CORO1B: variants seen among roughly 807,000 people sequenced by gnomAD.
The protein encoded by CORO1B is coronin 1B, also known as coronin-1B.
Under a neutral mutation model 51.1 loss-of-function variants are expected in CORO1B, and 30 were observed. The ratio of observed to expected loss-of-function variants is 0.59; its 90% CI spans 0.44 to 0.80. The LOEUF is 0.80. CORO1B is among the 30% of genes least tolerant of loss of function. CORO1B has a pLI of 0.00. For synonymous variants in CORO1B, 310 were observed against 289.7 expected (o/e 1.07, Z -0.71); for missense variants, 648 against 700.4 (o/e 0.93, Z 0.84).
intron 2 of CORO1B, 84 bp downstream of exon 2, chr11:67,442,344 A>C (rs1864413700): frequency 2.1e-5 from 30 of 1,431,358 alleles, no homozygotes; most frequent in Non-Finnish European, 2.7e-5. Flanking sequence ...GAGAAACGGC[A>C]AGATGAGGGA....
At position 67,441,449 on chromosome 11, in the gene CORO1B, G is replaced by C; in HGVS notation, c.520C>G (p.Leu174Val). 6.2e-7 allele frequency: 1 copy of C among 1,613,904 alleles called. No individual in the cohort carries two copies. The highest frequency in any genetic ancestry group is 8.5e-7 in the Non-Finnish European group (1 of 1,180,026). Reference sequence around the variant, plus strand: ...ACATTGTAGATGAGGTCAGGGTGCAGGCTGTCCAGGCGGTACAGCTCCTCC... The same window carrying C: ...ACATTGTAGATGAGGTCAGGGTGCACGCTGTCCAGGCGGTACAGCTCCTCC... ...TAEELYRLDS[L>V]HPDLIYNVSW... is the part of the protein sequence containing the mutation. Residue 174 changes from leucine to valine, a missense_variant, in exon 5 of 11, where the codon CTG becomes GTG. Physicochemically the swap from Leu to Val is conservative, Grantham distance 32 (BLOSUM62 1). Coordinates refer to ENST00000341356, the MANE Select transcript of CORO1B (RefSeq NM_020441.3).
In CORO1B at chr11:67,443,140, CG is replaced by C. The variant is rs1464832786; in HGVS notation, c.-3+263del. ...CCCCGGCATGGCCCCCAGGAAGGGA[CG>C]GGGTCGGGACGCAGCTGTGGGCCGC... On this transcript the variant is annotated intron_variant, in intron 1 of 10. Transcript: ENST00000341356. Among the ~76,000 whole-genome samples the C allele has an allele frequency of 5.3e-5, 8 of 152,168 alleles. No individual in the cohort carries two copies. The East Asian group carries it at 1.3e-3, about 26-fold the overall frequency.
chr11:67,436,320 G>A lies in CORO1B; in HGVS notation c.*2056C>T, dbSNP rs12295145. The A allele has an allele frequency of 2.0e-6, 3 of 1,511,582 alleles. No homozygotes were observed. The highest frequency in any genetic ancestry group is 2.8e-5 in the African/African-American group (2 of 72,372). 93.6% of individuals were successfully genotyped at this position (1,511,582 alleles called of 1,614,324 possible). A position where few individuals can be genotyped will look rare whatever the true frequency, so the allele number is the denominator to read the frequency against. On this transcript the variant is annotated 3_prime_UTR_variant, in exon 11 of 11. Transcript: ENST00000341356. The stretch of plus-strand genomic sequence containing the variant: ...CCCAAGGCCCCTGGCAGGGCCAGCA[G>A]CATCCCGAGCCCTAAGGTGCAGGGC...
chr11:67,435,680 A>G lies in CORO1B; in HGVS notation c.*2696T>C, dbSNP rs1864251159. 2.7e-6 allele frequency: 4 copies of G among 1,494,042 alleles called. No individual in the cohort carries two copies. The highest frequency in any genetic ancestry group is 3.5e-6 in the Non-Finnish European group (4 of 1,128,662). 92.5% of individuals were successfully genotyped at this position (1,494,042 alleles called of 1,614,324 possible). A position where few individuals can be genotyped will look rare whatever the true frequency, so the allele number is the denominator to read the frequency against. ...GTCCAGCCATGGCATCTTGGGAAGC[A>G]GAGGCACGGGGAGTGAGCGGCTGTG... On this transcript the variant is annotated 3_prime_UTR_variant, in exon 11 of 11. Transcript: ENST00000341356.
In CORO1B at chr11:67,435,912, C is replaced by T. The variant is rs1305916341; in HGVS notation, c.*2464G>A. ...TCCGTGTCACTGTCTCTGGCTTCCTCAGCCCGCACGGGGACCTGCTCTGGG... is the reference window on the plus strand; with the variant it reads ...TCCGTGTCACTGTCTCTGGCTTCCTTAGCCCGCACGGGGACCTGCTCTGGG... On this transcript the variant is annotated 3_prime_UTR_variant, in exon 11 of 11. Transcript: ENST00000341356. 3 of 1,612,734 alleles carry T rather than the reference C, an allele frequency of 1.9e-6. No homozygotes were observed. The highest frequency in any genetic ancestry group is 1.7e-4 in the Middle Eastern group (1 of 6,056).
Position 67,441,161 on chromosome 11 carries a change from G to A in CORO1B, c.720C>T (p.Ser240=). The A allele has an allele frequency of 6.2e-7, 1 of 1,613,092 alleles. No individual in the cohort carries two copies. Among genetic ancestry groups the A allele is most frequent in the South Asian group, 1.1e-5 (1 of 91,086 alleles). Residue 240 remains serine (S), a synonymous_variant, in exon 6 of 11, where the codon AGC becomes AGT. Transcript: ENST00000341356. ...ADGKVFTTGF[S]RMSERQLALW... is the part of the protein sequence containing the mutation. ...GCGCCAGCTGCCGCTCGCTCATTCG[G>A]CTGAAGCCTGTGGTGAACACCTTGC...
rs1161932608 is a variant in CORO1B at position 67,441,249 on chromosome 11, C to CG, written c.637-6dup. The CG allele has an allele frequency of 2.5e-6, 4 of 1,612,824 alleles. No homozygotes were observed. The highest frequency in any genetic ancestry group is 2.5e-6 in the Non-Finnish European group (3 of 1,179,916). The stretch of plus-strand genomic sequence containing the variant: ...CTCATGAGCCTTCTCCCGCTCCTGT[C>CG]GGGGGGACAGGCTGGTCAGTGCAGC... On this transcript the variant is annotated splice_polypyrimidine_tract_variant and splice_region_variant and intron_variant, in intron 5 of 10. Coordinates refer to ENST00000341356, the MANE Select transcript of CORO1B (RefSeq NM_020441.3).
At position 67,438,969 on chromosome 11, in the gene CORO1B, G is replaced by A. The variant is rs1429908396; in HGVS notation, c.1066-20C>T. The A allele has an allele frequency of 1.3e-6, 2 of 1,587,188 alleles. No homozygotes were observed. Among genetic ancestry groups the A allele is most frequent in the South Asian group, 1.1e-5 (1 of 89,010 alleles). On this transcript the variant is annotated intron_variant, in intron 9 of 10. Coordinates refer to ENST00000341356, the MANE Select transcript of CORO1B (RefSeq NM_020441.3). ...GTCCGACTGGGCAGGGGGCCGGGGA[G>A]GTCAGGATCAGTTAGGAGGCCCCAT...
In CORO1B at chr11:67,435,569, G is replaced by A. The variant is rs758136660; in HGVS notation, c.*2807C>T. The A allele has an allele frequency of 1.1e-4, 117 of 1,082,214 alleles. No homozygotes were observed. The highest frequency in any genetic ancestry group is 1.5e-4 in the Non-Finnish European group (114 of 783,674). 67.0% of individuals were successfully genotyped at this position (1,082,214 alleles called of 1,614,324 possible). ...CTGATGCCTGTGGTTGGGGGGGGCC[G>A]TTCCCGTGGTGAGCGGGGTACACAT... On this transcript the variant is annotated 3_prime_UTR_variant, in exon 11 of 11. Coordinates refer to ENST00000341356, the MANE Select transcript of CORO1B (RefSeq NM_020441.3).
At position 67,443,440 on chromosome 11, in the gene CORO1B, C is replaced by T; in HGVS notation, c.-39G>A. ...GGGGCGCAGGGGGCTGCGGCACCGG[C>T]TTCGGGCGGCTCCGGATCCCGGCCT... is the stretch of plus-strand genomic sequence containing the variant. On this transcript the variant is annotated 5_prime_UTR_variant, in exon 1 of 11. Transcript: ENST00000341356. The T allele has an allele frequency of 1.0e-6, 1 of 986,242 alleles. No homozygotes were observed. The highest frequency in any genetic ancestry group is 1.2e-6 in the Non-Finnish European group (1 of 830,068). The allele number at this position is 986,242 out of a possible 1,614,324, so 61.1% of individuals were successfully genotyped here.
At position 67,436,345 on chromosome 11, in the gene CORO1B, C is replaced by A; in HGVS notation, c.*2031G>T. ...GCATCCCGAGCCCTAAGGTGCAGGGCAGAGCCTGTGGGAGACAGGCAGGGG... is the reference window on the plus strand; with the variant it reads ...GCATCCCGAGCCCTAAGGTGCAGGGAAGAGCCTGTGGGAGACAGGCAGGGG... On this transcript the variant is annotated 3_prime_UTR_variant, in exon 11 of 11. Coordinates refer to ENST00000341356, the MANE Select transcript of CORO1B (RefSeq NM_020441.3). The A allele has an allele frequency of 6.8e-7, 1 of 1,467,896 alleles. No homozygotes were observed. The highest frequency in any genetic ancestry group is 9.0e-7 in the Non-Finnish European group (1 of 1,110,408). The allele number at this position is 1,467,896 out of a possible 1,614,324, so 90.9% of individuals were successfully genotyped here.
In CORO1B at chr11:67,437,604, C is replaced by T. The variant is rs753678445; in HGVS notation, c.*772G>A. ...GCCCCCATCCCAAGAACCCGGGGGG[C>T]TCCGAGGCTTACCATTGGTCCGCAG... On this transcript the variant is annotated 3_prime_UTR_variant, in exon 11 of 11. Transcript: ENST00000341356. 7.4e-6 allele frequency: 10 copies of T among 1,358,474 alleles called. No homozygotes were observed. In the Admixed American group the frequency reaches 1.5e-4, roughly 20 times the overall value. The allele number at this position is 1,358,474 out of a possible 1,614,324, so 84.2% of individuals were successfully genotyped here.
rs1864323911 is a variant in CORO1B at position 67,438,163 on chromosome 11, G to A, written c.*213C>T. On this transcript the variant is annotated 3_prime_UTR_variant, in exon 11 of 11. Coordinates refer to ENST00000341356, the MANE Select transcript of CORO1B (RefSeq NM_020441.3). ...TCGGGGAGATGGTCCCTCAGAGGTCGAGGAGCTCGCCTGGGCGTAGACATC... is the reference window on the plus strand; with the variant it reads ...TCGGGGAGATGGTCCCTCAGAGGTCAAGGAGCTCGCCTGGGCGTAGACATC... 3.8e-6 allele frequency: 2 copies of A among 529,024 alleles called. No homozygotes were observed. The highest frequency in any genetic ancestry group is 3.2e-6 in the Non-Finnish European group (1 of 313,676). 32.8% of individuals were successfully genotyped at this position (529,024 alleles called of 1,614,324 possible).
Position 67,438,756 on chromosome 11 carries a change from G to A in CORO1B, c.1259C>T (p.Ala420Val). 6.4e-7 allele frequency: 1 copy of A among 1,565,468 alleles called. No homozygotes were observed. Among genetic ancestry groups the A allele is most frequent in the Non-Finnish European group, 8.6e-7 (1 of 1,158,846 alleles). ...NVLSDSRPAM[A>V]PGSSHLGAPA... ...GGCCCCTAGGTGGGAGGAGCCCGGG[G>A]CCATGGCGGGCCGGCTGTCAGACAA... Residue 420 changes from alanine to valine, a missense_variant, in exon 10 of 11, where the codon GCC becomes GTC. Coordinates refer to ENST00000341356, the MANE Select transcript of CORO1B (RefSeq NM_020441.3).
chr11:67,438,643 AGC>A, intron 10 of CORO1B, 26 bp downstream of exon 10: 1 of 1,515,760 alleles, frequency 6.6e-7, no homozygotes, highest in South Asian at 1.2e-5. Context: ...TGGGGCTCCC[AGC>A]ACCACCCCTG....
At chr11:67,440,835 C>T in intron 6 of CORO1B, 1 of 660,386 alleles carries the variant, frequency 1.5e-6, no homozygotes, top group Non-Finnish European at 2.8e-6. Flanking sequence ...GAGCGGGGAG[C>T]CCTGTGCAGG....
intron 6 of CORO1B, chr11:67,440,721 G>C: frequency 1.5e-6 from 1 of 655,908 alleles, no homozygotes; most frequent in Non-Finnish European, 2.8e-6. Flanking sequence ...GGGAGCTGGG[G>C]TGCCAGCGGC....
chr11:67,436,158 G>A lies in CORO1B; in HGVS notation c.*2218C>T. On this transcript the variant is annotated 3_prime_UTR_variant, in exon 11 of 11. Coordinates refer to ENST00000341356, the MANE Select transcript of CORO1B (RefSeq NM_020441.3). ...AGCGCGGCACCTAGGCGGGCCGGGT[G>A]GTAGTAGCCCCCTGAGTCACGGCTG... 4 of 1,566,140 alleles carry A rather than the reference G, an allele frequency of 2.6e-6. No homozygotes were observed. Among genetic ancestry groups the A allele is most frequent in the Non-Finnish European group, 2.6e-6 (3 of 1,155,692 alleles).
Position 67,441,780 on chromosome 11 carries a change from C to T in CORO1B, c.407G>A (p.Gly136Asp). The T allele has an allele frequency of 6.2e-7, 1 of 1,612,934 alleles. No homozygotes were observed. Among genetic ancestry groups the T allele is most frequent in the Non-Finnish European group, 8.5e-7 (1 of 1,179,918 alleles). ...GGCCGTGGGGTGCCAGGCGATGATGCCCACTCGCTTGGTGTGCCCCTCCAG... is the reference window on the plus strand; with the variant it reads ...GGCCGTGGGGTGCCAGGCGATGATGTCCACTCGCTTGGTGTGCCCCTCCAG... Reference protein sequence around the residue: ...VVLEGHTKRVGIIAWHPTARN... With the variant: ...VVLEGHTKRVDIIAWHPTARN... Residue 136 changes from glycine to aspartate, a missense_variant, in exon 4 of 11, where the codon GGC (glycine) becomes GAC (aspartate). Gly to Asp is a moderately conservative substitution (Grantham distance 94). Transcript: ENST00000341356.
Sources: gnomAD v4.1 joint callset for allele counts (sites outside exome capture counted in the v4.1 genomes callset) on GRCh38, gnomAD v4.1.1 for gene constraint, MANE v1.5 for transcripts, NCBI Gene and HGNC (gene_info 2026-07-23, HGNC 2026-07-21) for gene names.